Variants in SLC25A43 observed in about 807,000 individuals in gnomAD.
The protein encoded by SLC25A43 is solute carrier family 25 member 43.
Under a neutral mutation model 22.8 loss-of-function variants are expected in SLC25A43, and 10 were observed. The observed-to-expected ratio is 0.44, with a 90% CI of 0.27 to 0.74. The LOEUF (loss-of-function observed/expected upper bound fraction) is 0.74. Among genes scored for constraint, SLC25A43 ranks in the 30% least tolerant of loss-of-function variants. SLC25A43 has a pLI of 0.17. For missense variants in SLC25A43, 233 were observed against 279.1 expected, an observed-to-expected ratio of 0.83 and a Z score of 1.18; for synonymous variants, 106 against 121.6, an observed-to-expected ratio of 0.87 and a Z score of 0.84.
intron 3 of SLC25A43, among the ~76,000 whole-genome samples, chrX:119,427,360 C>G (rs193095857): frequency 3.6e-5 from 4 of 112,130 alleles, no homozygotes; most frequent in African/African-American, 1.3e-4. Context: ...GCTTTCTGAG[C>G]AGCTAGTCAA....
At chrX:119,451,904 G>A (rs1313886129) in intron 3 of SLC25A43, 105 bp from the exon 4 acceptor site, 2 of 1,183,521 alleles carry the variant, frequency 1.7e-6, no homozygotes, top group Admixed American at 4.6e-5. Flanking sequence ...ATCTTGGCCA[G>A]GAACCCAGCA....
At chrX:119,422,251 G>A (rs1200507128) in intron 3 of SLC25A43, among the ~76,000 whole-genome samples, 3 of 111,367 alleles carry the variant, frequency 2.7e-5, no homozygotes, top group African/African-American at 6.5e-5. Flanking sequence ...TAGCCTATAC[G>A]TGCCCTCTGA....
At chrX:119,450,374 C>T (rs1199178261) in intron 3 of SLC25A43, among the ~76,000 whole-genome samples, 1 of 111,756 alleles carries the variant, frequency 8.9e-6, no homozygotes, top group African/African-American at 3.3e-5. Context: ...TAAATATCTA[C>T]TATGTGTTAA....
At chrX:119,403,600 T>G (rs1276527340) in intron 1 of SLC25A43, among the ~76,000 whole-genome samples, 1 of 111,973 alleles carries the variant, frequency 8.9e-6, no homozygotes, top group East Asian at 2.8e-4. Context: ...AGTCAAAAAT[T>G]TCTACTTCCT....
intron 3 of SLC25A43, chrX:119,422,831 C>T (rs1569370600): frequency 8.9e-6 from 1 of 112,201 alleles, no homozygotes; most frequent in East Asian, 2.8e-4. Context: ...TGCAAACAGC[C>T]GTTAACGTTT....
chrX:119,427,611 T>A (rs1185755136), intron 3 of SLC25A43, among the ~76,000 whole-genome samples: 1 of 111,672 alleles, frequency 9.0e-6, no homozygotes, highest in African/African-American at 3.3e-5. Flanking sequence ...TGACTGGCAT[T>A]TTTTTTTGTT....
At chrX:119,414,619 A>G (rs2052383118) in intron 3 of SLC25A43, among the ~76,000 whole-genome samples, 1 of 111,705 alleles carries the variant, frequency 9.0e-6, no homozygotes, top group South Asian at 3.7e-4. Flanking sequence ...AATTTTATCT[A>G]ATTATATCTA....
intron 1 of SLC25A43, among the ~76,000 whole-genome samples, chrX:119,401,952 A>G (rs1267581984): frequency 9.0e-6 from 1 of 111,050 alleles, no homozygotes; most frequent in African/African-American, 3.3e-5. Context: ...TACCTGGGCT[A>G]GGTTTGCTAG....
intron 3 of SLC25A43, among the ~76,000 whole-genome samples, chrX:119,432,219 CTG>C (rs796500295): frequency 9.0e-6 from 1 of 111,032 alleles, no homozygotes; most frequent in East Asian, 2.8e-4. Context: ...TGAATACTAA[CTG>C]AACTCAATAT....
intron 3 of SLC25A43, among the ~76,000 whole-genome samples, chrX:119,444,499 ATC>A (rs1471789957): frequency 1.0e-4 from 11 of 107,546 alleles, no homozygotes; most frequent in South Asian, 8.3e-4. Flanking sequence ...AGGTCGAGAG[ATC>A]GAGATCACCC....
chrX:119,451,253 A>G (rs1028750439), intron 3 of SLC25A43, among the ~76,000 whole-genome samples: 3 of 111,746 alleles, frequency 2.7e-5, no homozygotes, highest in African/African-American at 9.8e-5. Context: ...ATGGCTCTGA[A>G]GGTGGTGATG....
At chrX:119,430,207 C>T (rs10521687) in intron 3 of SLC25A43, among the ~76,000 whole-genome samples, 21,982 of 111,418 alleles carry the variant, frequency 0.2, 1,652 homozygotes, top group African/African-American at 0.24. Context: ...CCATTCCAAT[C>T]TAGCGGGTTG....
At chrX:119,401,745 T>G (rs891350679) in intron 1 of SLC25A43, among the ~76,000 whole-genome samples, 2 of 109,446 alleles carry the variant, frequency 1.8e-5, no homozygotes, top group African/African-American at 6.7e-5. Context: ...GGGGGAGGTG[T>G]GTTGTGATTA....
At chrX:119,434,534 G>C (rs904591577) in intron 3 of SLC25A43, 5 of 108,212 alleles carry the variant, frequency 4.6e-5, no homozygotes. Flanking sequence ...GCATGGTGGT[G>C]CATGCCTGTG....
At chrX:119,406,843 T>C in intron 2 of SLC25A43, 142 bp downstream of exon 2, 2 of 722,659 alleles carry the variant, frequency 2.8e-6, no homozygotes, top group Non-Finnish European at 3.9e-6. Context: ...GGCAATTAGC[T>C]TCATTCTATT....
At chrX:119,434,004 G>A (rs1302735104) in intron 3 of SLC25A43, among the ~76,000 whole-genome samples, 1 of 111,780 alleles carries the variant, frequency 8.9e-6, no homozygotes. Context: ...TGGGGAATAA[G>A]GGCAGGTAGA....
chrX:119,410,907 T>A (rs200697587), intron 3 of SLC25A43, among the ~76,000 whole-genome samples: 7 of 100,702 alleles, frequency 7.0e-5, no homozygotes, highest in Non-Finnish European at 1.4e-4. Flanking sequence ...GAAAGAAAAA[T>A]AAGAAAGAAA....
rs183216144 is a variant in SLC25A43, at chrX:119,413,434, G to A, written c.690+3072G>A. Among the ~76,000 whole-genome samples the A allele has an allele frequency of 9.7e-4, 108 of 111,453 alleles. 1 individual carries two copies. Among genetic ancestry groups the A allele is most frequent in the African/African-American group, 3.2e-3 (97 of 30,742 alleles). ...AAATTAGTATCCTTAGGCCGGGCGC[G>A]GTGGCTCACGGCTGTAATCCCAGCA... On this transcript the variant is annotated intron_variant, in intron 3 of 4. Transcript: ENST00000217909.
intron 3 of SLC25A43, among the ~76,000 whole-genome samples, chrX:119,420,235 G>A (rs755457994): frequency 1.8e-5 from 2 of 109,767 alleles, no homozygotes; most frequent in South Asian, 7.9e-4. Context: ...CTCCAGCCCA[G>A]CCCATATGGG....
Sources: allele counts gnomAD v4.1 joint callset (sites outside exome capture counted in the v4.1 genomes callset), GRCh38; gene constraint gnomAD v4.1.1; transcripts MANE v1.5; gene names NCBI Gene and HGNC (gene_info 2026-07-23, HGNC 2026-07-21).